ZDHHC18: variants seen among roughly 807,000 people sequenced by gnomAD.
ZDHHC18 encodes palmitoyltransferase ZDHHC18.
ZDHHC18 carries 23 observed loss-of-function variants against 37.5 expected under a neutral mutation model. That is an observed-to-expected ratio of 0.61 (90% CI 0.44 to 0.87). ZDHHC18 has a LOEUF of 0.87. ZDHHC18 is among the 40% of genes least tolerant of loss of function. The probability of loss-of-function intolerance (pLI) is 0.00; values close to 1 mark genes in which losing one functional copy is unlikely to be tolerated. For missense variants in ZDHHC18, 406 were observed against 525.6 expected (o/e 0.77, Z 2.22); for synonymous variants, 185 against 218.7 (o/e 0.85, Z 1.36).
chr1:26,838,303 T>C (rs557045690), intron 2 of ZDHHC18, among the ~76,000 whole-genome samples: 1 of 152,218 alleles, frequency 6.6e-6, no homozygotes, highest in African/African-American at 2.4e-5. Context: ...CCCCTTGCTT[T>C]CTTTTTAAAT....
intron 2 of ZDHHC18, among the ~76,000 whole-genome samples, chr1:26,835,835 C>T (rs2081609051): frequency 1.3e-5 from 2 of 152,190 alleles, no homozygotes; most frequent in African/African-American, 4.8e-5. Flanking sequence ...ATTACCTGGT[C>T]CTAGGCTCAT....
intron 6 of ZDHHC18, among the ~76,000 whole-genome samples, chr1:26,851,705 A>G (rs1273241310): frequency 2.0e-5 from 3 of 152,342 alleles, no homozygotes; most frequent in Middle Eastern, 3.4e-3. Context: ...GCCCAGTCAC[A>G]GGTATGCGCT....
At chr1:26,843,822 T>C (rs1158945411) in intron 2 of ZDHHC18, among the ~76,000 whole-genome samples, 1 of 151,992 alleles carries the variant, frequency 6.6e-6, no homozygotes, top group Non-Finnish European at 1.5e-5. Context: ...TTAAGTGTTC[T>C]GTCTGATGAA....
chr1:26,830,206 C>T (rs912556578), intron 1 of ZDHHC18, among the ~76,000 whole-genome samples: 21 of 152,166 alleles, frequency 1.4e-4, no homozygotes, highest in African/African-American at 4.6e-4. Flanking sequence ...CTCAGGCCTC[C>T]CAGGGCCCCG....
chr1:26,835,644 T>C (rs1296840505), intron 2 of ZDHHC18, among the ~76,000 whole-genome samples: 1 of 152,180 alleles, frequency 6.6e-6, no homozygotes, highest in East Asian at 1.9e-4. Context: ...GAGGTTGCAG[T>C]GAGCCAAGGT....
chr1:26,849,412 T>A (rs1007342968), intron 3 of ZDHHC18, among the ~76,000 whole-genome samples: 1 of 152,166 alleles, frequency 6.6e-6, no homozygotes, highest in African/African-American at 2.4e-5. Flanking sequence ...CTGTGCATAG[T>A]TCCCAGGGCA....
rs892811137 is a variant in ZDHHC18, at chr1:26,850,111, G to T, written c.647-190G>T. Reference sequence around the variant, plus strand: ...GTTCCAGTTAACCAGGTAAAGAGACGAGAGAATGTATCAGGCAGTGGGAAC... The same window carrying T: ...GTTCCAGTTAACCAGGTAAAGAGACTAGAGAATGTATCAGGCAGTGGGAAC... On this transcript the variant is annotated intron_variant, in intron 3 of 7. Transcript: ENST00000374142. The surrounding 1 kb of genome is among the most constrained non-coding windows in gnomAD (Gnocchi z 6.1). Among the ~76,000 whole-genome samples, 1 of 152,194 alleles carries T rather than the reference G, an allele frequency of 6.6e-6. No individual in the cohort carries two copies. Among genetic ancestry groups the T allele is most frequent in the African/African-American group, 2.4e-5 (1 of 41,438 alleles).
At chr1:26,841,127 C>A (rs1046152571) in intron 2 of ZDHHC18, among the ~76,000 whole-genome samples, 2 of 152,052 alleles carry the variant, frequency 1.3e-5, no homozygotes, top group East Asian at 3.9e-4. Flanking sequence ...CAGGTGCACA[C>A]CACCACACCT....
At chr1:26,849,888 C>T (rs1191243701) in intron 3 of ZDHHC18, among the ~76,000 whole-genome samples, 1 of 152,166 alleles carries the variant, frequency 6.6e-6, no homozygotes, top group East Asian at 1.9e-4. Context: ...CCAGCACAGC[C>T]CCCCTCGCCC....
intron 1 of ZDHHC18, among the ~76,000 whole-genome samples, chr1:26,828,043 C>T (rs544521478): frequency 6.6e-6 from 1 of 152,264 alleles, no homozygotes; most frequent in Admixed American, 6.5e-5. Context: ...TATTTGCCCC[C>T]CTAGGTTTTT....
At chr1:26,844,465 T>C (rs1396731673) in intron 2 of ZDHHC18, among the ~76,000 whole-genome samples, 1 of 152,138 alleles carries the variant, frequency 6.6e-6, no homozygotes, top group Non-Finnish European at 1.5e-5. Flanking sequence ...ACTACTGGGG[T>C]GTTTGGGTAG....
rs2081696046 is a variant in ZDHHC18 at position 26,850,359 on chromosome 1, C to T, written c.705C>T (p.Arg235=). Residue 235 remains arginine (R), a synonymous_variant, in exon 4 of 8, where the codon CGC becomes CGT. Transcript: ENST00000374142. This position sits in a 1 kb window ranked among gnomAD's most constrained non-coding sequence, Gnocchi z 6.1. ...VGNCVGRRNY[R]FFYAFILSLS... ...ACTGTGTGGGGAGACGGAACTATCG[C>T]TTCTTCTACGCGTTTATTCTCTCCC... 2 of 1,614,242 alleles carry T rather than the reference C, an allele frequency of 1.2e-6. No individual in the cohort carries two copies. The highest frequency in any genetic ancestry group is 3.3e-5 in the Admixed American group (2 of 60,024).
rs1459810429 is a variant in ZDHHC18, at chr1:26,850,591, A to C, written c.818A>C (p.Lys273Thr). Reference protein sequence around the residue: ...AQGSNFLSTLKETPASVLELV... With the variant: ...AQGSNFLSTLTETPASVLELV... ...GGAAGCAACTTCCTCTCCACTCTGA[A>C]GGAGACACCAGCAAGATATCCTTTG... is the stretch of plus-strand genomic sequence containing the variant. Residue 273 changes from lysine to threonine, a missense_variant, in exon 5 of 8, where the codon AAG (lysine) becomes ACG (threonine). Transcript: ENST00000374142. The surrounding 1 kb of genome is among the most constrained non-coding windows in gnomAD (Gnocchi z 6.1). 1.2e-6 allele frequency: 2 copies of C among 1,614,126 alleles called. No homozygotes were observed. Among genetic ancestry groups the C allele is most frequent in the Admixed American group, 1.7e-5 (1 of 60,018 alleles).
At chr1:26,844,811 T>G (rs563877362) in intron 2 of ZDHHC18, among the ~76,000 whole-genome samples, 1 of 152,338 alleles carries the variant, frequency 6.6e-6, no homozygotes, top group Admixed American at 6.5e-5. Flanking sequence ...GTTTATTGGC[T>G]GTTTGGACAG....
chr1:26,848,699 C>T lies in ZDHHC18; in HGVS notation c.588C>T (p.Thr196=), dbSNP rs780687002. The T allele has an allele frequency of 6.2e-7, 1 of 1,614,178 alleles. No homozygotes were observed. Among genetic ancestry groups the T allele is most frequent in the Non-Finnish European group, 8.5e-7 (1 of 1,180,008 alleles). The change falls in exon 3 of 8, where the codon ACC becomes ACT. Residue 196 remains threonine (T), a synonymous_variant. Coordinates refer to ENST00000374142, the MANE Select transcript of ZDHHC18 (RefSeq NM_032283.3). ...TGGTGAAGCTGAAGTACTGCTTCAC[C>T]TGCAAGATGTTCCGGCCACCCCGAA... is the stretch of plus-strand genomic sequence containing the variant. ...GQMVKLKYCF[T]CKMFRPPRTS... is the part of the protein sequence containing the mutation.
intron 2 of ZDHHC18, among the ~76,000 whole-genome samples, chr1:26,837,585 C>T (rs1182904013): frequency 6.6e-6 from 1 of 151,380 alleles, no homozygotes; most frequent in Non-Finnish European, 1.5e-5. Flanking sequence ...GTTCAAGTGA[C>T]TCTCCTGCCT....
At chr1:26,837,122 G>A (rs1388404430) in intron 2 of ZDHHC18, among the ~76,000 whole-genome samples, 4 of 147,518 alleles carry the variant, frequency 2.7e-5, no homozygotes, top group East Asian at 2.0e-4. Flanking sequence ...GTGTGGTGGC[G>A]GCCACCTGTA....
At chr1:26,851,609 G>C (rs371652628) in intron 6 of ZDHHC18, among the ~76,000 whole-genome samples, 1 of 152,238 alleles carries the variant, frequency 6.6e-6, no homozygotes, top group African/African-American at 2.4e-5. Flanking sequence ...AAAGGACAGG[G>C]ATGTTTTTTC....
chr1:26,849,123 G>A (rs546817781), intron 3 of ZDHHC18, among the ~76,000 whole-genome samples: 1 of 152,322 alleles, frequency 6.6e-6, no homozygotes, highest in South Asian at 2.1e-4. Context: ...CAGAAAGAAT[G>A]AGTTACTGTC....
Sources: gnomAD v4.1 joint callset for allele counts (sites outside exome capture counted in the v4.1 genomes callset) on GRCh38, gnomAD v4.1.1 for gene constraint, Gnocchi (gnomAD v3.1) non-coding constraint, MANE v1.5 for transcripts, NCBI Gene and HGNC (gene_info 2026-07-23, HGNC 2026-07-21) for gene names.